The following PALLD variants were observed in gnomAD, a reference collection of about 807,000 sequenced individuals.
The protein encoded by PALLD is palladin, cytoskeletal associated protein.
PALLD carries 61 observed loss-of-function variants against 123.5 expected under a neutral mutation model. That is an observed-to-expected ratio of 0.49 (90% CI 0.40 to 0.61). The LOEUF (loss-of-function observed/expected upper bound fraction) is 0.61. Among genes scored for constraint, PALLD ranks in the 20% least tolerant of loss-of-function variants. The pLI is 0.00. For missense variants in PALLD, 1,273 were observed against 1,377.0 expected, an observed-to-expected ratio of 0.92 and a Z score of 1.20; for synonymous variants, 465 against 496.4, an observed-to-expected ratio of 0.94 and a Z score of 0.84.
chr4:168,745,204 C>T (rs1304774128), intron 10 of PALLD, among the ~76,000 whole-genome samples: 1 of 152,146 alleles, frequency 6.6e-6, no homozygotes, highest in Non-Finnish European at 1.5e-5. Context: ...ATGCATGGCA[C>T]TCAGTAAGTA....
At chr4:168,592,999 A>G (rs1208165886) in intron 2 of PALLD, among the ~76,000 whole-genome samples, 1 of 151,604 alleles carries the variant, frequency 6.6e-6, no homozygotes, top group East Asian at 1.9e-4. Flanking sequence ...ATAAAATGCA[A>G]TGTCATTTGC....
intron 10 of PALLD, among the ~76,000 whole-genome samples, chr4:168,731,759 A>T (rs902077436): frequency 6.6e-6 from 1 of 152,216 alleles, no homozygotes; most frequent in African/African-American, 2.4e-5. Flanking sequence ...GACCAATTAG[A>T]AGTTTTTGTT....
intron 2 of PALLD, among the ~76,000 whole-genome samples, chr4:168,599,996 C>CATACATACATGTGTGT (rs1561290631): frequency 7.5e-5 from 11 of 145,856 alleles, no homozygotes; most frequent in Middle Eastern, 3.5e-3. Context: ...CATGTGTATA[C>CATACATACATGTGTGT]ACACACGTAT....
rs544980881 is a variant in PALLD at position 168,639,717 on chromosome 4, G to T, written c.909-28473G>T. On this transcript the variant is annotated intron_variant, in intron 2 of 21. Coordinates refer to ENST00000505667, the MANE Select transcript of PALLD (RefSeq NM_001166108.2). ...CACTACCACGCCCAGCTAATTTTTT[G>T]TATTTTTTAGTAGAGACGGGGTTTC... 1.2e-3 allele frequency among the ~76,000 whole-genome samples: 183 copies of T among 146,512 alleles called. 1 individual carries two copies. The highest frequency in any genetic ancestry group is 7.2e-3 in the South Asian group (34 of 4,720).
chr4:168,554,153 G>A lies in PALLD; in HGVS notation c.908+41741G>A, dbSNP rs143507397. Among the ~76,000 whole-genome samples, 515 of 152,122 alleles carry A rather than the reference G, an allele frequency of 3.4e-3. 3 individuals carry two copies. The highest frequency in any genetic ancestry group is 0.012 in the African/African-American group (490 of 41,506). On this transcript the variant is annotated intron_variant, in intron 2 of 21. Coordinates refer to ENST00000505667, the MANE Select transcript of PALLD (RefSeq NM_001166108.2). ...AAGCCCGGTAGCTCTGTTTTATGAG[G>A]GTAGGAAACATCTGGTCACCATTGT...
At chr4:168,897,916 C>A (rs1566496) in intron 13 of PALLD, 113,366 of 151,532 alleles carry the variant, frequency 0.75, 42,689 homozygotes, top group East Asian at 0.96. Context: ...GCTGAGGAGG[C>A]GGCCCTTGCA....
intron 2 of PALLD, among the ~76,000 whole-genome samples, chr4:168,565,914 C>A (rs1385460989): frequency 6.6e-6 from 1 of 151,984 alleles, no homozygotes. Context: ...CCAAATAATG[C>A]TAGTGGCTGT....
chr4:168,548,375 C>T (rs1766385709), intron 2 of PALLD, among the ~76,000 whole-genome samples: 1 of 149,930 alleles, frequency 6.7e-6, no homozygotes, highest in Admixed American at 6.6e-5. Flanking sequence ...AACACTAATA[C>T]TCTCAGCAGA....
intron 10 of PALLD, among the ~76,000 whole-genome samples, chr4:168,889,795 T>G (rs1014192933): frequency 4.6e-5 from 7 of 152,192 alleles, no homozygotes; most frequent in Admixed American, 3.9e-4. Context: ...GAATTTGTGA[T>G]TCAGTAGGTC....
At chr4:168,502,487 T>G (rs114704941) in intron 1 of PALLD, among the ~76,000 whole-genome samples, 1 of 152,226 alleles carries the variant, frequency 6.6e-6, no homozygotes, top group African/African-American at 2.4e-5. Context: ...CAAACAGTTA[T>G]GTGTTATATG....
intron 2 of PALLD, among the ~76,000 whole-genome samples, chr4:168,579,028 G>A (rs889591450): frequency 1.3e-5 from 2 of 151,098 alleles, no homozygotes; most frequent in Non-Finnish European, 3.0e-5. Flanking sequence ...GTTTTCACAG[G>A]AAAAGAAGAG....
At chr4:168,541,431 C>T (rs1765596639) in intron 2 of PALLD, among the ~76,000 whole-genome samples, 1 of 151,586 alleles carries the variant, frequency 6.6e-6, no homozygotes, top group South Asian at 2.1e-4. Flanking sequence ...ATTTATTTTA[C>T]ACTCTCACTC....
Position 168,898,587 on chromosome 4 carries a change from A to G in PALLD, c.2345A>G (p.Gln782Arg). ...GTGGATGAATCAGGTGATGAAGTTC[A>G]GTATGGAGATGTGCCTGTGGAAAAT... Reference protein sequence around the residue: ...SPVDESGDEVQYGDVPVENGM... With the variant: ...SPVDESGDEVRYGDVPVENGM... Residue 782 changes from glutamine to arginine, a missense_variant, in exon 14 of 22, where the codon CAG becomes CGG. Physicochemically the swap from Gln to Arg is conservative, Grantham distance 43. Transcript: ENST00000505667. 6.2e-7 allele frequency: 1 copy of G among 1,613,620 alleles called. No homozygotes were observed. The highest frequency in any genetic ancestry group is 8.5e-7 in the Non-Finnish European group (1 of 1,179,476).
At position 168,690,501 on chromosome 4, in the gene PALLD, T is replaced by C. The variant is rs543671839; in HGVS notation, c.1336-102T>C. 7 of 1,399,584 alleles carry C rather than the reference T, an allele frequency of 5.0e-6. No homozygotes were observed. In the African/African-American group the frequency reaches 9.9e-5, roughly 20 times the overall value. The allele number at this position is 1,399,584 out of a possible 1,614,324, so 86.7% of individuals were successfully genotyped here. On this transcript the variant is annotated intron_variant, in intron 6 of 21. Transcript: ENST00000505667. ...GCAAGTTTTGCATTTTGTGTTTGTA[T>C]CTGTTTTGTCTGAGGTTTGGAATTT...
chr4:168,673,972 T>C (rs1780576081), intron 3 of PALLD, among the ~76,000 whole-genome samples: 1 of 152,042 alleles, frequency 6.6e-6, no homozygotes, highest in Non-Finnish European at 1.5e-5. Context: ...TGGAGTGTAA[T>C]GCCGCGATCT....
chr4:168,661,328 C>T lies in PALLD; in HGVS notation c.909-6862C>T, dbSNP rs534617694. Among the ~76,000 whole-genome samples, 13 of 152,296 alleles carry T rather than the reference C, an allele frequency of 8.5e-5. No individual in the cohort carries two copies. In the East Asian group the frequency reaches 2.3e-3, roughly 27 times the overall value. On this transcript the variant is annotated intron_variant, in intron 2 of 21. Transcript: ENST00000505667. ...TAGCCCCTGCTACTAGTCTCATGAA[C>T]TAAGAAACCTGGCTTAGCTGACATC...
intron 2 of PALLD, among the ~76,000 whole-genome samples, chr4:168,640,301 A>G (rs901512713): frequency 2.0e-5 from 3 of 152,134 alleles, no homozygotes; most frequent in Non-Finnish European, 4.4e-5. Flanking sequence ...ACTCCAATTC[A>G]TCAACTCATT....
chr4:168,621,904 C>A, intron 2 of PALLD, among the ~76,000 whole-genome samples: 1 of 152,134 alleles, frequency 6.6e-6, no homozygotes, highest in Non-Finnish European at 1.5e-5. Context: ...CACAAAAGAC[C>A]TGATTCTTCA....
chr4:168,685,181 G>A (rs973480443), intron 5 of PALLD, among the ~76,000 whole-genome samples: 2 of 152,164 alleles, frequency 1.3e-5, no homozygotes, highest in Non-Finnish European at 2.9e-5. Context: ...TAAAAAAGAC[G>A]CATGTGGAAG....
Sources: gnomAD v4.1 joint callset for allele counts (sites outside exome capture counted in the v4.1 genomes callset) on GRCh38, gnomAD v4.1.1 for gene constraint, MANE v1.5 for transcripts, NCBI Gene and HGNC (gene_info 2026-07-23, HGNC 2026-07-21) for gene names.